The following AFF1 variants were observed in gnomAD, a reference collection of about 807,000 sequenced individuals.
The protein encoded by AFF1 is ALF transcription elongation factor 1.
Under a neutral mutation model 121.7 loss-of-function variants are expected in AFF1, and 48 were observed. The observed-to-expected ratio is 0.39, with a 90% CI of 0.31 to 0.50. The LOEUF is 0.50. Ranked by LOEUF, AFF1 falls within the 20% of genes least tolerant of loss-of-function variation. AFF1 has a pLI of 0.76. For missense variants in AFF1, 1,523 were observed against 1,511.7 expected, an observed-to-expected ratio of 1.01 and a Z score of -0.12; for synonymous variants, 613 against 563.0, an observed-to-expected ratio of 1.09 and a Z score of -1.26.
Position 87,135,600 on chromosome 4 carries a change from A to C in AFF1, c.3556A>C (p.Thr1186Pro), listed in dbSNP as rs555765459. The C allele has an allele frequency of 1.9e-6, 3 of 1,604,950 alleles. No homozygotes were observed. Among genetic ancestry groups the C allele is most frequent in the South Asian group, 2.2e-5 (2 of 89,154 alleles). Residue 1186 changes from threonine to proline, a missense_variant, in exon 21 of 21, where the codon ACA (threonine) becomes CCA (proline). Coordinates refer to ENST00000395146, the MANE Select transcript of AFF1 (RefSeq NM_001166693.3). ...KNKEFFARLS[T>P]NVCTLALNSS... is the part of the protein sequence containing the mutation. ...TGCAGAATTCTTTGCTCGGCTCAGC[A>C]CAAATGTGTGCACCTTGGCCCTCAA...
At chr4:87,017,831 A>T (rs977456828) in intron 2 of AFF1, among the ~76,000 whole-genome samples, 1 of 152,008 alleles carries the variant, frequency 6.6e-6, no homozygotes, top group Admixed American at 6.6e-5. Context: ...TTAAAGATAG[A>T]TCTGTTGCAC....
At chr4:87,037,572 C>G (rs926250667) in intron 2 of AFF1, among the ~76,000 whole-genome samples, 3 of 152,138 alleles carry the variant, frequency 2.0e-5, no homozygotes, top group Non-Finnish European at 2.9e-5. Flanking sequence ...CTCGGCCTCC[C>G]AAAGTGCTGA....
chr4:87,017,735 G>C (rs561780475), intron 2 of AFF1, among the ~76,000 whole-genome samples: 1 of 152,192 alleles, frequency 6.6e-6, no homozygotes, highest in Non-Finnish European at 1.5e-5. Flanking sequence ...TAAGTGAAGC[G>C]TCTGGAAATT....
chr4:86,971,947 G>A (rs1334788481), intron 2 of AFF1, among the ~76,000 whole-genome samples: 1 of 151,842 alleles, frequency 6.6e-6, no homozygotes, highest in Admixed American at 6.6e-5. Flanking sequence ...GACCAGCCTG[G>A]GCAACAAAGT....
chr4:87,007,501 G>A (rs1726283075), intron 2 of AFF1: 2 of 1,589,226 alleles, frequency 1.3e-6, no homozygotes, highest in South Asian at 2.2e-5. Flanking sequence ...AGGGCAGGGT[G>A]CGGGGAAGGA....
Position 86,951,615 on chromosome 4 carries a change from C to CTTTTTTTTTTTTTTTT in AFF1, c.38+3051_38+3052insTTTTTTTTTTTTTTTT, listed in dbSNP as rs748093135. Among the ~76,000 whole-genome samples the CTTTTTTTTTTTTTTTT allele has an allele frequency of 1.6e-4, 20 of 124,942 alleles. 1 individual carries two copies. The highest frequency in any genetic ancestry group is 2.2e-4 in the Non-Finnish European group (14 of 62,288). 82.0% of individuals were successfully genotyped at this position (124,942 alleles called of 152,430 possible). A position where few individuals can be genotyped will look rare whatever the true frequency, so the allele number is the denominator to read the frequency against. Reference sequence around the variant, plus strand: ...GAACTTTTTTTTCTTTTTCTTTTTTCTTTTTTTCTTTTTTTTTTTTTTTTT... The same window carrying CTTTTTTTTTTTTTTTT: ...GAACTTTTTTTTCTTTTTCTTTTTTCTTTTTTTTTTTTTTTTTTTTTTTCTTTTTTTTTTTTTTTTT... On this transcript the variant is annotated intron_variant, in intron 2 of 20. Transcript: ENST00000395146.
rs555711126 is a variant in AFF1, at chr4:87,052,144, G to A, written c.1059+4550G>A. On this transcript the variant is annotated intron_variant, in intron 4 of 20. Coordinates refer to ENST00000395146, the MANE Select transcript of AFF1 (RefSeq NM_001166693.3). ...AGGCCTGAATTTAGGAAAAGGCATG[G>A]CCTTGTTAATCCCAGCACATTGGGA... Among the ~76,000 whole-genome samples, 5 of 152,266 alleles carry A rather than the reference G, an allele frequency of 3.3e-5. No individual in the cohort carries two copies. In the South Asian group the frequency reaches 1.0e-3, roughly 32 times the overall value.
At chr4:87,057,123 C>T (rs1178774345) in intron 4 of AFF1, among the ~76,000 whole-genome samples, 1 of 152,000 alleles carries the variant, frequency 6.6e-6, no homozygotes, top group South Asian at 2.1e-4. Flanking sequence ...GCACTTTGCA[C>T]TCTGGTGAAA....
At position 87,125,067 on chromosome 4, in the gene AFF1, A is replaced by G. The variant is rs1728094967; in HGVS notation, c.2497A>G (p.Lys833Glu). The stretch of plus-strand genomic sequence containing the variant: ...AGCAGAAAGAGACTGTGATAACAAG[A>G]AAATCAGACTGGAGAAGGAAATCAA... The part of the protein sequence containing the change: ...GEAERDCDNK[K>E]IRLEKEIKSQ... Residue 833 changes from lysine (K) to glutamate (E), a missense_variant, in exon 13 of 21, where the codon AAA (lysine) becomes GAA (glutamate). Physicochemically the swap from Lys to Glu is moderately conservative, Grantham distance 56 (BLOSUM62 1). Transcript: ENST00000395146. The G allele has an allele frequency of 6.2e-7, 1 of 1,608,624 alleles. No homozygotes were observed. Among genetic ancestry groups the G allele is most frequent in the Admixed American group, 1.7e-5 (1 of 59,452 alleles).
At chr4:87,065,141 AT>A (rs1721208288) in intron 4 of AFF1, among the ~76,000 whole-genome samples, 2 of 152,314 alleles carry the variant, frequency 1.3e-5, no homozygotes, top group East Asian at 3.9e-4. Flanking sequence ...AGACTGGGCA[AT>A]TTACAAAGGA....
chr4:87,012,675 GCA>G (rs1049134832), intron 2 of AFF1, among the ~76,000 whole-genome samples: 7 of 152,184 alleles, frequency 4.6e-5, no homozygotes, highest in African/African-American at 4.8e-5. Flanking sequence ...CAGGTAGAAT[GCA>G]CAGTGTCTTG....
intron 4 of AFF1, among the ~76,000 whole-genome samples, chr4:87,075,319 A>T (rs73837600): frequency 0.017 from 2,547 of 152,212 alleles, 18 homozygotes; most frequent in African/African-American, 0.03. Flanking sequence ...AGGTAAATTT[A>T]AAAAAATCAA....
chr4:87,131,147 T>A lies in AFF1; in HGVS notation c.3029T>A (p.Ile1010Asn). 1 of 1,614,202 alleles carries A rather than the reference T, an allele frequency of 6.2e-7. No homozygotes were observed. Among genetic ancestry groups the A allele is most frequent in the Non-Finnish European group, 8.5e-7 (1 of 1,180,032 alleles). Residue 1010 changes from isoleucine (I) to asparagine (N), a missense_variant, in exon 17 of 21, where the codon ATT (isoleucine) becomes AAT (asparagine). This residue lies in a region of AFF1 where 241 missense variants were observed against 265.2 expected (regional missense o/e 0.91). Coordinates refer to ENST00000395146, the MANE Select transcript of AFF1 (RefSeq NM_001166693.3). ...GTCTTGTCCTTCATTGAGTGCGGAATTGCCACAGAGTCTGAAAGCCAGTCA... is the reference window on the plus strand; with the variant it reads ...GTCTTGTCCTTCATTGAGTGCGGAAATGCCACAGAGTCTGAAAGCCAGTCA... ...EAVLSFIECG[I>N]ATESESQSSK...
intron 3 of AFF1, 109 bp from the exon 4 acceptor site, chr4:87,046,586 T>A: frequency 8.4e-7 from 1 of 1,190,250 alleles, no homozygotes; most frequent in Non-Finnish European, 1.2e-6. Context: ...ATTCTACATG[T>A]CGTACATTAA....
At chr4:86,996,292 G>A (rs1484274871) in intron 2 of AFF1, among the ~76,000 whole-genome samples, 4 of 152,168 alleles carry the variant, frequency 2.6e-5, no homozygotes, top group African/African-American at 9.6e-5. Context: ...AGGGGGGAAA[G>A]GTGGGGAAAA....
intron 8 of AFF1, among the ~76,000 whole-genome samples, chr4:87,100,080 C>T (rs1725268392): frequency 6.6e-6 from 1 of 151,910 alleles, no homozygotes; most frequent in Non-Finnish European, 1.5e-5. Flanking sequence ...CTTAAGGGTC[C>T]CTTTAAGTGT....
intron 1 of AFF1, among the ~76,000 whole-genome samples, chr4:86,945,497 ATTTTTTTTT>A (rs34305215): frequency 1.2e-5 from 1 of 86,630 alleles, no homozygotes; most frequent in African/African-American, 5.2e-5. Context: ...GCCTTTCCCA[ATTTTTTTTT>A]TTTTTTTTTT....
At chr4:87,031,177 C>T (rs1729042858) in intron 2 of AFF1, among the ~76,000 whole-genome samples, 1 of 152,118 alleles carries the variant, frequency 6.6e-6, no homozygotes, top group African/African-American at 2.4e-5. Flanking sequence ...TGCTTTCGGA[C>T]CCATCCTGTG....
At chr4:86,950,581 A>T (rs1247008359) in intron 2 of AFF1, among the ~76,000 whole-genome samples, 1 of 152,250 alleles carries the variant, frequency 6.6e-6, no homozygotes, top group Non-Finnish European at 1.5e-5. Flanking sequence ...TTATAATGCA[A>T]CAGAATAGAT....
Sources: gnomAD v4.1 joint callset for allele counts (sites outside exome capture counted in the v4.1 genomes callset) on GRCh38, gnomAD v4.1.1 for gene constraint, gnomAD v4.1.1 regional missense constraint, MANE v1.5 for transcripts, NCBI Gene and HGNC (gene_info 2026-07-23, HGNC 2026-07-21) for gene names.